CPEB3: variants seen among roughly 807,000 people sequenced by gnomAD.
CPEB3 encodes the protein cytoplasmic polyadenylation element binding protein 3.
In CPEB3, 20 loss-of-function variants were observed where a neutral mutation model predicts 67.2. The ratio of observed to expected loss-of-function variants is 0.30; its 90% CI spans 0.21 to 0.43. CPEB3 has a LOEUF of 0.43. Ranked by LOEUF, CPEB3 falls within the 20% of genes least tolerant of loss-of-function variation. The pLI is 1.00. For synonymous variants in CPEB3, 376 were observed against 393.1 expected (o/e 0.96, Z 0.51); for missense variants, 746 against 968.6 (o/e 0.77, Z 3.05).
chr10:92,096,201 CAG>C (rs1223114728), intron 7 of CPEB3, among the ~76,000 whole-genome samples: 2 of 151,986 alleles, frequency 1.3e-5, no homozygotes, highest in Non-Finnish European at 2.9e-5. Flanking sequence ...ACAAAAATAA[CAG>C]TAACAATAAT....
chr10:92,087,914 G>A lies in CPEB3; in HGVS notation c.1687+3916C>T, dbSNP rs118175718. 2.6e-3 allele frequency among the ~76,000 whole-genome samples: 393 copies of A among 152,212 alleles called. 1 individual carries two copies. Among genetic ancestry groups the A allele is most frequent in the Non-Finnish European group, 4.3e-3 (292 of 68,018 alleles). On this transcript the variant is annotated intron_variant, in intron 8 of 9. Coordinates refer to ENST00000265997, the MANE Select transcript of CPEB3 (RefSeq NM_014912.5). ...CCTGTACTGACTCTAAAGAATATGC[G>A]AGCTTTAGCCACATGGTGGCACGGT... is the stretch of plus-strand genomic sequence containing the variant.
chr10:92,079,922 C>T (rs1284454880), intron 9 of CPEB3, among the ~76,000 whole-genome samples: 10 of 151,866 alleles, frequency 6.6e-5, no homozygotes, highest in Non-Finnish European at 1.5e-4. Flanking sequence ...GGTGCTCGGC[C>T]AGGCGCGGTG....
chr10:92,264,205 G>A (rs1852938035), intron 1 of CPEB3, among the ~76,000 whole-genome samples: 1 of 151,984 alleles, frequency 6.6e-6, no homozygotes, highest in Non-Finnish European at 1.5e-5. Flanking sequence ...GTGCATGCCT[G>A]CAATCCCAAC....
At chr10:92,104,739 T>C (rs1844358427) in intron 7 of CPEB3, among the ~76,000 whole-genome samples, 1 of 151,848 alleles carries the variant, frequency 6.6e-6, no homozygotes, top group Non-Finnish European at 1.5e-5. Flanking sequence ...CTTCCAAAGA[T>C]TCAAGCACTA....
At chr10:92,057,661 C>T (rs1321888513) in intron 9 of CPEB3, among the ~76,000 whole-genome samples, 1 of 152,222 alleles carries the variant, frequency 6.6e-6, no homozygotes, top group Non-Finnish European at 1.5e-5. Context: ...AGTACTGTGC[C>T]GGCTTCAGGT....
intron 2 of CPEB3, among the ~76,000 whole-genome samples, chr10:92,193,775 T>C (rs895063350): frequency 5.3e-5 from 8 of 152,088 alleles, no homozygotes; most frequent in African/African-American, 1.4e-4. Flanking sequence ...GAAAATGTAT[T>C]GGATATCTTT....
rs570071788 is a variant in CPEB3, at chr10:92,115,120, C to CCCGGGA, written c.1454-3932_1454-3927dup. On this transcript the variant is annotated intron_variant, in intron 6 of 9. Transcript: ENST00000265997. ...CGGGGCGCGGGAGGAGGAAGTAGAGCCCGGGACCGCCGGGCCACCACCGAC... is the reference window on the plus strand; with the variant it reads ...CGGGGCGCGGGAGGAGGAAGTAGAGCCCGGGACCGGGACCGCCGGGCCACCACCGAC... Among the ~76,000 whole-genome samples, 61 of 152,262 alleles carry CCCGGGA rather than the reference C, an allele frequency of 4.0e-4. 2 individuals are homozygous for CCCGGGA. The South Asian group carries it at 8.9e-3, about 22-fold the overall frequency.
intron 2 of CPEB3, among the ~76,000 whole-genome samples, chr10:92,228,952 T>A (rs1157536034): frequency 6.6e-6 from 1 of 152,152 alleles, no homozygotes; most frequent in East Asian, 1.9e-4. Context: ...GACCTCGTGA[T>A]CCGCCCACCT....
intron 2 of CPEB3, among the ~76,000 whole-genome samples, chr10:92,224,904 T>C (rs1217175462): frequency 1.4e-5 from 2 of 147,650 alleles, no homozygotes; most frequent in East Asian, 3.9e-4. Flanking sequence ...AAAATATATA[T>C]ATTTTATATA....
chr10:92,290,334 T>A (rs946298338), intron 1 of CPEB3, among the ~76,000 whole-genome samples: 2 of 151,958 alleles, frequency 1.3e-5, no homozygotes, highest in African/African-American at 2.4e-5. Context: ...ATTTCTCCTT[T>A]TTGATTCCCC....
At chr10:92,149,254 C>T (rs2133872295) in intron 4 of CPEB3, among the ~76,000 whole-genome samples, 1 of 152,298 alleles carries the variant, frequency 6.6e-6, no homozygotes, top group African/African-American at 2.4e-5. Flanking sequence ...ATGATATTCT[C>T]ACATAATCCA....
At position 92,239,857 on chromosome 10, in the gene CPEB3, T is replaced by G. The variant is rs1380758892; in HGVS notation, c.494A>C (p.Gln165Pro). 19 of 1,548,692 alleles carry G rather than the reference T, an allele frequency of 1.2e-5. No homozygotes were observed. Among genetic ancestry groups the G allele is most frequent in the Non-Finnish European group, 1.7e-5 (19 of 1,149,194 alleles). ...IGLAQTQHHQ[Q>P]PPPPAPAPQP... ...CGGCGCGGGCGCAGGCGGCGGCGGC[T>G]GCTGGTGGTGCTGGGTCTGCGCCAG... The change falls in exon 2 of 10, where the codon CAG (glutamine) becomes CCG (proline). Residue 165 changes from glutamine (Q) to proline (P), a missense_variant. Coordinates refer to ENST00000265997, the MANE Select transcript of CPEB3 (RefSeq NM_014912.5). The surrounding 1 kb of genome is among the most constrained non-coding windows in gnomAD (Gnocchi z 6.0).
chr10:92,082,789 C>A (rs1237370437), intron 8 of CPEB3, among the ~76,000 whole-genome samples: 1 of 152,102 alleles, frequency 6.6e-6, no homozygotes, highest in African/African-American at 2.4e-5. Context: ...GACCCAAGAA[C>A]CTGTTTCAAC....
At chr10:92,218,293 G>C (rs927457118) in intron 2 of CPEB3, among the ~76,000 whole-genome samples, 1 of 152,134 alleles carries the variant, frequency 6.6e-6, no homozygotes, top group Non-Finnish European at 1.5e-5. Flanking sequence ...TGTAATCCCA[G>C]CTACTTGGGA....
intron 2 of CPEB3, among the ~76,000 whole-genome samples, chr10:92,236,463 C>G (rs1394568556): frequency 2.0e-5 from 3 of 152,098 alleles, no homozygotes; most frequent in African/African-American, 7.2e-5. Flanking sequence ...ACAGTGATTG[C>G]TAGGCCGGGC....
rs1851739416 is a variant in CPEB3, at chr10:92,239,819, G to A, written c.532C>T (p.Pro178Ser). Reference sequence around the variant, plus strand: ...GGCTGCGCCTGTGGTGGCTGCGCTGGCTGTGCCGGCTGCGGCGCGGGCGCA... The same window carrying A: ...GGCTGCGCCTGTGGTGGCTGCGCTGACTGTGCCGGCTGCGGCGCGGGCGCA... ...PPAPAPQPAQ[P>S]AQPPQAQPPQ... Residue 178 changes from proline (P) to serine (S), a missense_variant, in exon 2 of 10, where the codon CCA becomes TCA. Pro to Ser is a moderately conservative substitution (Grantham distance 74). Coordinates refer to ENST00000265997, the MANE Select transcript of CPEB3 (RefSeq NM_014912.5). This position sits in a 1 kb window ranked among gnomAD's most constrained non-coding sequence, Gnocchi z 6.0. 2 of 1,457,566 alleles carry A rather than the reference G, an allele frequency of 1.4e-6. No homozygotes were observed. The highest frequency in any genetic ancestry group is 1.8e-6 in the Non-Finnish European group (2 of 1,106,116). The allele number at this position is 1,457,566 out of a possible 1,614,324, so 90.3% of individuals were successfully genotyped here.
intron 6 of CPEB3, among the ~76,000 whole-genome samples, chr10:92,141,526 T>A (rs1191395842): frequency 6.6e-6 from 1 of 151,676 alleles, no homozygotes; most frequent in African/African-American, 2.4e-5. Flanking sequence ...GATATACCTA[T>A]TGCTAAATGA....
rs1848810877 is a variant in CPEB3 at position 92,188,554 on chromosome 10, A to G, written c.1165+3923T>C. ...GGACAACATGGTGAAACCCGTCTCT[A>G]TTTAAAAATACAAAAATTAGCCGGG... On this transcript the variant is annotated intron_variant, in intron 3 of 9. Coordinates refer to ENST00000265997, the MANE Select transcript of CPEB3 (RefSeq NM_014912.5). 1.3e-5 allele frequency among the ~76,000 whole-genome samples: 2 copies of G among 151,768 alleles called. 1 individual carries two copies. The highest frequency in any genetic ancestry group is 4.2e-4 in the South Asian group (2 of 4,804).
chr10:92,066,784 C>A (rs117106370), intron 9 of CPEB3, among the ~76,000 whole-genome samples: 1,895 of 152,286 alleles, frequency 0.012, 14 homozygotes, highest in Non-Finnish European at 0.022. Flanking sequence ...ATAGCTCACA[C>A]CTGTAATTCT....
Sources: allele counts gnomAD v4.1 joint callset (sites outside exome capture counted in the v4.1 genomes callset), GRCh38; gene constraint gnomAD v4.1.1; non-coding constraint Gnocchi (gnomAD v3.1); transcripts MANE v1.5; gene names NCBI Gene and HGNC (gene_info 2026-07-23, HGNC 2026-07-21).